Variants in NELL2 observed in about 807,000 individuals in gnomAD.
NELL2 encodes the protein protein kinase C-binding protein NELL2.
NELL2 carries 41 observed loss-of-function variants against 109.6 expected under a neutral mutation model. That is an observed-to-expected ratio of 0.37 (90% CI 0.29 to 0.49). NELL2 has a LOEUF of 0.49. Ranked by LOEUF, NELL2 falls within the 20% of genes least tolerant of loss-of-function variation. The probability of loss-of-function intolerance (pLI) is 0.98; values close to 1 mark genes in which losing one functional copy is unlikely to be tolerated. For missense variants in NELL2, 900 were observed against 1,008.3 expected (o/e 0.89, Z 1.45); for synonymous variants, 355 against 344.7 (o/e 1.03, Z -0.33).
chr12:44,763,824 A>C (rs1365380622), intron 9 of NELL2, among the ~76,000 whole-genome samples: 6 of 152,170 alleles, frequency 3.9e-5, no homozygotes, highest in Non-Finnish European at 8.8e-5. Context: ...AATTTTTCTA[A>C]TGCTGTATTG....
chr12:44,718,533 G>A (rs1938608144), intron 9 of NELL2, among the ~76,000 whole-genome samples: 1 of 152,156 alleles, frequency 6.6e-6, no homozygotes, highest in African/African-American at 2.4e-5. Flanking sequence ...GTGAGTGAGT[G>A]TGTATACCAC....
intron 15 of NELL2, among the ~76,000 whole-genome samples, chr12:44,581,900 T>C (rs1211565511): frequency 6.6e-6 from 1 of 152,198 alleles, no homozygotes; most frequent in Non-Finnish European, 1.5e-5. Flanking sequence ...TATCTGATGA[T>C]TGCTTTAATT....
At chr12:44,854,561 T>C (rs1407732240) in intron 2 of NELL2, among the ~76,000 whole-genome samples, 3 of 151,874 alleles carry the variant, frequency 2.0e-5, no homozygotes, top group Non-Finnish European at 4.4e-5. Flanking sequence ...AATCGTTTAA[T>C]CTAACTCCCA....
chr12:44,668,233 A>G (rs1206481599), intron 12 of NELL2, among the ~76,000 whole-genome samples: 1 of 152,122 alleles, frequency 6.6e-6, no homozygotes, highest in Non-Finnish European at 1.5e-5. Flanking sequence ...ACACTGAGGA[A>G]GCAACCCCTG....
In NELL2 at chr12:44,861,947, A is replaced by T. The variant is rs972141035; in HGVS notation, c.184+13278T>A. ...CTTCAAATGCACTGACTTCAACACA[A>T]GCAACAAGAAACATAAAAAGCCAAG... On this transcript the variant is annotated intron_variant, in intron 2 of 19. Transcript: ENST00000429094. Among the ~76,000 whole-genome samples, 8 of 152,360 alleles carry T rather than the reference A, an allele frequency of 5.3e-5. No homozygotes were observed. In the South Asian group the frequency reaches 8.3e-4, roughly 16 times the overall value.
intron 15 of NELL2, among the ~76,000 whole-genome samples, chr12:44,566,987 T>C (rs1050152387): frequency 6.6e-6 from 1 of 152,124 alleles, no homozygotes; most frequent in African/African-American, 2.4e-5. Flanking sequence ...AATTTTTGTA[T>C]TTTCAGTAGA....
intron 8 of NELL2, among the ~76,000 whole-genome samples, chr12:44,775,088 C>A (rs1415858470): frequency 6.6e-6 from 1 of 152,168 alleles, no homozygotes; most frequent in Admixed American, 6.5e-5. Flanking sequence ...GCTGGCTGCT[C>A]GGGCTTCCCA....
upstream of NELL2, chr12:44,876,415 C>T (rs1443034167): frequency 5.5e-6 from 7 of 1,269,248 alleles, no homozygotes; most frequent in Non-Finnish European, 3.0e-6. Flanking sequence ...CCGCCGAGGG[C>T]GAGGCCGGCG....
intron 1 of NELL2, among the ~76,000 whole-genome samples, chr12:44,913,187 A>G (rs1282641404): frequency 6.6e-6 from 1 of 152,124 alleles, no homozygotes; most frequent in African/African-American, 2.4e-5. Flanking sequence ...CTGTTTAGAT[A>G]TAGGTGAAAA....
chr12:44,536,756 T>C (rs1405682867), intron 15 of NELL2, among the ~76,000 whole-genome samples: 2 of 151,962 alleles, frequency 1.3e-5, no homozygotes, highest in Non-Finnish European at 2.9e-5. Flanking sequence ...CCTTAGAACA[T>C]TTTCAGTAAC....
intron 2 of NELL2, among the ~76,000 whole-genome samples, chr12:44,827,027 G>A (rs559464418): frequency 6.6e-6 from 1 of 152,172 alleles, no homozygotes; most frequent in South Asian, 2.1e-4. Context: ...AAACTATAGA[G>A]AGTAAACTGC....
intron 15 of NELL2, among the ~76,000 whole-genome samples, chr12:44,586,731 A>T (rs2136218539): frequency 6.6e-6 from 1 of 152,288 alleles, no homozygotes; most frequent in South Asian, 2.1e-4. Flanking sequence ...CTTTTTTCCC[A>T]TTTAGTTCTA....
At chr12:44,628,833 G>A (rs900606880) in intron 13 of NELL2, among the ~76,000 whole-genome samples, 1 of 152,156 alleles carries the variant, frequency 6.6e-6, no homozygotes, top group African/African-American at 2.4e-5. Context: ...ACCTAAATAT[G>A]AATTAGGTGA....
intron 12 of NELL2, among the ~76,000 whole-genome samples, chr12:44,683,523 T>C (rs2136377106): frequency 6.6e-6 from 1 of 152,172 alleles, no homozygotes. Context: ...TGCTTCCAGT[T>C]TTTGCCCATT....
chr12:44,851,799 G>A (rs1392361778), intron 2 of NELL2: 1 of 152,112 alleles, frequency 6.6e-6, no homozygotes, highest in Non-Finnish European at 1.5e-5. Flanking sequence ...CTGTACCAGC[G>A]AGACCAAGTT....
chr12:44,551,145 G>A (rs1234771256), intron 15 of NELL2, among the ~76,000 whole-genome samples: 2 of 152,140 alleles, frequency 1.3e-5, no homozygotes, highest in Non-Finnish European at 2.9e-5. Context: ...TCAAGATGTA[G>A]ACATTAATTA....
intron 3 of NELL2, among the ~76,000 whole-genome samples, chr12:44,799,308 A>T (rs912263851): frequency 6.6e-6 from 1 of 152,070 alleles, no homozygotes; most frequent in Non-Finnish European, 1.5e-5. Flanking sequence ...TGTGCAATAC[A>T]GTAAGATCCC....
intron 9 of NELL2, among the ~76,000 whole-genome samples, chr12:44,744,485 C>G (rs898832365): frequency 6.6e-6 from 1 of 152,024 alleles, no homozygotes; most frequent in African/African-American, 2.4e-5. Context: ...ACACAAAAAA[C>G]CCTTCAAAAA....
chr12:44,749,639 A>G (rs1057304114), intron 9 of NELL2, among the ~76,000 whole-genome samples: 7 of 152,186 alleles, frequency 4.6e-5, no homozygotes, highest in Admixed American at 4.6e-4. Context: ...ATGTATTTCC[A>G]AGATGCCATT....
Sources: allele counts gnomAD v4.1 joint callset (sites outside exome capture counted in the v4.1 genomes callset), GRCh38; gene constraint gnomAD v4.1.1; transcripts MANE v1.5; gene names NCBI Gene and HGNC (gene_info 2026-07-23, HGNC 2026-07-21).